The following ELAVL4 variants were observed in gnomAD, a reference collection of about 807,000 sequenced individuals.
ELAVL4 encodes the protein ELAV-like protein 4.
In ELAVL4, 1 loss-of-function variant was observed where a neutral mutation model predicts 35.6. That is an observed-to-expected ratio of 0.03 (90% CI 0.01 to 0.13). The LOEUF (loss-of-function observed/expected upper bound fraction) is 0.13, where lower values mean the gene tolerates loss of function less well. Among genes scored for constraint, ELAVL4 ranks in the 10% least tolerant of loss-of-function variants. ELAVL4 has a pLI of 1.00. For missense variants in ELAVL4, 267 were observed against 464.9 expected, an observed-to-expected ratio of 0.57 and a Z score of 3.91; for synonymous variants, 156 against 171.0, an observed-to-expected ratio of 0.91 and a Z score of 0.69.
At chr1:50,109,471 T>C (rs1666693375) in intron 1 of ELAVL4, among the ~76,000 whole-genome samples, 1 of 151,974 alleles carries the variant, frequency 6.6e-6, no homozygotes, top group Non-Finnish European at 1.5e-5. Flanking sequence ...TAATTGCTGG[T>C]TTATTGAAAG....
intron 1 of ELAVL4, among the ~76,000 whole-genome samples, chr1:50,074,954 A>G (rs1384149543): frequency 6.6e-6 from 1 of 152,246 alleles, no homozygotes; most frequent in Non-Finnish European, 1.5e-5. Flanking sequence ...TAGCATAAAT[A>G]ATAGTAAAAA....
rs1644450945 is a variant in ELAVL4 at position 50,203,135 on chromosome 1, T to G, written c.*1957T>G. ...TTGATAGTTAAATTTGCTATTGCTT[T>G]TCTTGTCTTGTTATATAAAATCTTT... On this transcript the variant is annotated 3_prime_UTR_variant, in exon 7 of 7. Transcript: ENST00000371824. 1 of 152,250 alleles carries G rather than the reference T, an allele frequency of 6.6e-6. No individual in the cohort carries two copies. Among genetic ancestry groups the G allele is most frequent in the African/African-American group, 2.4e-5 (1 of 41,464 alleles). The allele number at this position is 152,250 out of a possible 1,614,324, so 9.4% of individuals were successfully genotyped here. A position where few individuals can be genotyped will look rare whatever the true frequency, so the allele number is the denominator to read the frequency against.
At chr1:50,159,500 T>C (rs1333271093) in intron 2 of ELAVL4, among the ~76,000 whole-genome samples, 4 of 152,062 alleles carry the variant, frequency 2.6e-5, no homozygotes, top group Admixed American at 1.3e-4. Context: ...TACCAGCTAC[T>C]TGGGGGACTG....
At chr1:50,128,287 G>A (rs905607718) in intron 1 of ELAVL4, among the ~76,000 whole-genome samples, 1 of 152,076 alleles carries the variant, frequency 6.6e-6, no homozygotes, top group Non-Finnish European at 1.5e-5. Flanking sequence ...AATGATGAGG[G>A]CAATATAGCT....
At chr1:50,184,931 G>C (rs1681602409) in intron 3 of ELAVL4, among the ~76,000 whole-genome samples, 1 of 152,094 alleles carries the variant, frequency 6.6e-6, no homozygotes, top group Admixed American at 6.5e-5. Context: ...AGCAATATAT[G>C]GCTATTTATA....
At chr1:50,102,180 A>T (rs982153017), upstream of ELAVL4, among the ~76,000 whole-genome samples, 21 of 151,846 alleles carry the variant, frequency 1.4e-4, 1 homozygote, top group East Asian at 1.2e-3. Context: ...CCAGCTACTC[A>T]GGAGGCTGAG....
At chr1:50,112,435 T>A (rs1273958751) in intron 1 of ELAVL4, among the ~76,000 whole-genome samples, 1 of 152,100 alleles carries the variant, frequency 6.6e-6, no homozygotes, top group Admixed American at 6.6e-5. Context: ...GCCTACTACC[T>A]TCATGTGGAG....
chr1:50,182,253 C>T (rs545692329), intron 3 of ELAVL4, among the ~76,000 whole-genome samples: 27 of 152,220 alleles, frequency 1.8e-4, no homozygotes, highest in Non-Finnish European at 2.9e-4. Context: ...AAGAGAAATA[C>T]GTTTACCAAA....
At chr1:50,059,879 T>G (rs1370705619) in intron 1 of ELAVL4, among the ~76,000 whole-genome samples, 4 of 152,176 alleles carry the variant, frequency 2.6e-5, no homozygotes, top group African/African-American at 9.7e-5. Context: ...ATTATTTCAT[T>G]TATGAGATAT....
intron 1 of ELAVL4, among the ~76,000 whole-genome samples, chr1:50,136,045 T>C (rs551439368): frequency 6.6e-6 from 1 of 152,140 alleles, no homozygotes; most frequent in African/African-American, 2.4e-5. Flanking sequence ...AAAAAAAATA[T>C]TAACCTGAAG....
At chr1:50,125,219 G>T (rs1228120267) in intron 1 of ELAVL4, among the ~76,000 whole-genome samples, 1 of 151,714 alleles carries the variant, frequency 6.6e-6, no homozygotes, top group Non-Finnish European at 1.5e-5. Context: ...AGCTTAGGTG[G>T]CAGAGACTCT....
In ELAVL4 at chr1:50,081,840, C is replaced by T. The variant is rs1445652976; in HGVS notation, c.18+33658C>T. Among the ~76,000 whole-genome samples, 3 of 152,108 alleles carry T rather than the reference C, an allele frequency of 2.0e-5. 1 individual carries two copies. The South Asian group carries it at 6.2e-4, about 32-fold the overall frequency. On this transcript the variant is annotated intron_variant, in intron 1 of 6. Transcript: ENST00000448907. Reference sequence around the variant, plus strand: ...CTACCCCTCCCCTAGTACCCCCACCCCCTGACAGGCCCTGGTGTGTGATGT... The same window carrying T: ...CTACCCCTCCCCTAGTACCCCCACCTCCTGACAGGCCCTGGTGTGTGATGT...
intron 1 of ELAVL4, among the ~76,000 whole-genome samples, chr1:50,056,848 C>T (rs1490998137): frequency 2.0e-5 from 3 of 151,158 alleles, no homozygotes; most frequent in Non-Finnish European, 2.9e-5. Flanking sequence ...AGGAGAATGG[C>T]GTGAACCCGG....
At chr1:50,127,858 A>C (rs573513865) in intron 1 of ELAVL4, among the ~76,000 whole-genome samples, 1 of 152,300 alleles carries the variant, frequency 6.6e-6, no homozygotes, top group Non-Finnish European at 1.5e-5. Flanking sequence ...GTATTTAATA[A>C]ATGTTTGAAT....
intron 1 of ELAVL4, among the ~76,000 whole-genome samples, chr1:50,078,915 T>C (rs1225087042): frequency 6.6e-6 from 1 of 152,116 alleles, no homozygotes; most frequent in Non-Finnish European, 1.5e-5. Flanking sequence ...CTCAGAAGGG[T>C]TAGACCCATA....
At chr1:50,077,131 C>G (rs1572137081) in intron 1 of ELAVL4, among the ~76,000 whole-genome samples, 1 of 152,030 alleles carries the variant, frequency 6.6e-6, no homozygotes, top group Non-Finnish European at 1.5e-5. Flanking sequence ...GATTCACCTC[C>G]CAGACCCAGT....
At chr1:50,181,242 G>A (rs1009794443) in intron 3 of ELAVL4, 11 of 152,232 alleles carry the variant, frequency 7.2e-5, no homozygotes, top group African/African-American at 2.4e-4. Flanking sequence ...ATTTGGCTCT[G>A]TGCACACATG....
chr1:50,117,088 G>A (rs1668076952), intron 1 of ELAVL4, among the ~76,000 whole-genome samples: 1 of 152,008 alleles, frequency 6.6e-6, no homozygotes, highest in Non-Finnish European at 1.5e-5. Flanking sequence ...TTTTTAATTT[G>A]GGCTAAAATA....
At chr1:50,050,472 A>G (rs1202598259) in intron 1 of ELAVL4, among the ~76,000 whole-genome samples, 1 of 152,220 alleles carries the variant, frequency 6.6e-6, no homozygotes, top group Non-Finnish European at 1.5e-5. Flanking sequence ...TTTTATGTGC[A>G]TTATATATCA....
Sources: gnomAD v4.1 joint callset for allele counts (sites outside exome capture counted in the v4.1 genomes callset) on GRCh38, gnomAD v4.1.1 for gene constraint, MANE v1.5 for transcripts, NCBI Gene and HGNC (gene_info 2026-07-23, HGNC 2026-07-21) for gene names.